HLF: variants seen among roughly 807,000 people sequenced by gnomAD.
HLF encodes the protein HLF transcription factor, PAR bZIP family member, also known as hepatic leukemia factor.
Under a neutral mutation model 22.6 loss-of-function variants are expected in HLF, and 3 were observed. That is an observed-to-expected ratio of 0.13 (90% CI 0.06 to 0.34). HLF has a LOEUF of 0.34. Among genes scored for constraint, HLF ranks in the 10% least tolerant of loss-of-function variants. HLF has a pLI of 1.00. For missense variants in HLF, 299 were observed against 389.2 expected (o/e 0.77, Z 1.95); for synonymous variants, 151 against 151.8 (o/e 0.99, Z 0.04).
intron 2 of HLF, among the ~76,000 whole-genome samples, chr17:55,310,048 T>C (rs1904759550): frequency 1.3e-5 from 2 of 152,242 alleles, no homozygotes; most frequent in African/African-American, 2.4e-5. Context: ...TTTCCAGTTA[T>C]ACTATTTGGA....
At chr17:55,298,925 T>C (rs565829406) in intron 2 of HLF, among the ~76,000 whole-genome samples, 4 of 152,232 alleles carry the variant, frequency 2.6e-5, no homozygotes, top group Non-Finnish European at 2.9e-5. Flanking sequence ...AGCTATAAAC[T>C]ATATAGGCTG....
At chr17:55,294,203 G>A (rs2081091611) in intron 2 of HLF, among the ~76,000 whole-genome samples, 1 of 152,222 alleles carries the variant, frequency 6.6e-6, no homozygotes, top group African/African-American at 2.4e-5. Context: ...ATCAGTCAAA[G>A]CTTCATTCTC....
rs572829697 is a variant in HLF at position 55,323,773 on chromosome 17, A to G, written c.*2894A>G. On this transcript the variant is annotated 3_prime_UTR_variant, in exon 4 of 4. Transcript: ENST00000226067. ...AGTGATTTGGGTCAACCGGAGTCAG[A>G]CGCATGTCTGCACGCTGCAGCTATT... 4.3e-6 allele frequency: 1 copy of G among 230,946 alleles called. No individual in the cohort carries two copies. The highest frequency in any genetic ancestry group is 6.2e-5 in the East Asian group (1 of 16,254). 14.3% of individuals were successfully genotyped at this position (230,946 alleles called of 1,614,324 possible).
intron 2 of HLF, among the ~76,000 whole-genome samples, chr17:55,274,882 G>C (rs2080891949): frequency 6.6e-6 from 1 of 152,208 alleles, no homozygotes; most frequent in African/African-American, 2.4e-5. Flanking sequence ...GACCAAGCGT[G>C]GGGCTCAGAA....
chr17:55,306,446 G>T (rs1178221329), intron 2 of HLF, among the ~76,000 whole-genome samples: 1 of 151,988 alleles, frequency 6.6e-6, no homozygotes, highest in Non-Finnish European at 1.5e-5. Context: ...AGATCAAAGG[G>T]ATCTTTACAA....
At position 55,322,879 on chromosome 17, in the gene HLF, T is replaced by A. The variant is rs1905309716; in HGVS notation, c.*2000T>A. ...GTTTATAATTTGATAGATGTTTGAC[T>A]TTAAAGATGATTGTTCTTTTGTTTC... On this transcript the variant is annotated 3_prime_UTR_variant, in exon 4 of 4. Transcript: ENST00000226067. 1.8e-5 allele frequency: 4 copies of A among 227,764 alleles called. No individual in the cohort carries two copies. The highest frequency in any genetic ancestry group is 1.3e-3 in the Middle Eastern group (1 of 766). 14.1% of individuals were successfully genotyped at this position (227,764 alleles called of 1,614,324 possible). A position where few individuals can be genotyped will look rare whatever the true frequency, so the allele number is the denominator to read the frequency against.
intron 2 of HLF, among the ~76,000 whole-genome samples, chr17:55,287,766 G>A (rs2081018861): frequency 6.6e-6 from 1 of 152,216 alleles, no homozygotes; most frequent in African/African-American, 2.4e-5. Context: ...AAAGTACTCT[G>A]GATACCTTGG....
chr17:55,294,585 A>G lies in HLF; in HGVS notation c.452-20642A>G, dbSNP rs200383511. ...TGTGTAAGGCAAGTTGTACGAGCAA[A>G]GCATCCGCAGCTCAGAATGCAAAAA... On this transcript the variant is annotated intron_variant, in intron 2 of 3. Transcript: ENST00000226067. Among the ~76,000 whole-genome samples the G allele has an allele frequency of 3.3e-5, 5 of 152,202 alleles. No homozygotes were observed. In the East Asian group the frequency reaches 5.8e-4, roughly 18 times the overall value.
chr17:55,317,433 T>A (rs1364346284), intron 3 of HLF, among the ~76,000 whole-genome samples: 1 of 152,118 alleles, frequency 6.6e-6, no homozygotes, highest in Non-Finnish European at 1.5e-5. Context: ...AAGAGCAAGA[T>A]TAGTTAATAA....
intron 2 of HLF, among the ~76,000 whole-genome samples, 160 bp downstream of exon 2, chr17:55,268,246 A>C: frequency 6.6e-6 from 1 of 152,148 alleles, no homozygotes; most frequent in Admixed American, 6.5e-5. Context: ...CTCCCACTTT[A>C]ATGAGCATCC....
At chr17:55,277,679 C>T (rs1431084368) in intron 2 of HLF, among the ~76,000 whole-genome samples, 4 of 152,038 alleles carry the variant, frequency 2.6e-5, no homozygotes, top group African/African-American at 7.2e-5. Context: ...GCTCAAGCAC[C>T]CCCTGAAGTG....
chr17:55,295,728 A>C (rs530162210), intron 2 of HLF, among the ~76,000 whole-genome samples: 1 of 152,338 alleles, frequency 6.6e-6, no homozygotes, highest in Non-Finnish European at 1.5e-5. Context: ...TGCCAAAGGT[A>C]TGAACAAATT....
At chr17:55,317,389 C>T (rs1442461767) in intron 3 of HLF, among the ~76,000 whole-genome samples, 1 of 152,170 alleles carries the variant, frequency 6.6e-6, no homozygotes, top group East Asian at 1.9e-4. Flanking sequence ...ACAGAACTTC[C>T]AGCCAGACTT....
chr17:55,313,839 C>T (rs187761969), intron 2 of HLF, among the ~76,000 whole-genome samples: 51 of 152,220 alleles, frequency 3.4e-4, no homozygotes, highest in African/African-American at 1.1e-3. Flanking sequence ...ACAAAGAGAG[C>T]GCAAAGCAGA....
At chr17:55,307,508 A>C (rs772158694) in intron 2 of HLF, among the ~76,000 whole-genome samples, 3 of 152,034 alleles carry the variant, frequency 2.0e-5, no homozygotes, top group African/African-American at 4.8e-5. Flanking sequence ...TGGAACATAC[A>C]TGCACAAAGT....
chr17:55,282,925 A>T (rs1348567904), intron 2 of HLF, among the ~76,000 whole-genome samples: 2 of 152,192 alleles, frequency 1.3e-5, no homozygotes, highest in African/African-American at 4.8e-5. Flanking sequence ...CTTTTGGAAT[A>T]AAAAAATCAA....
At chr17:55,292,277 T>C (rs979343874) in intron 2 of HLF, among the ~76,000 whole-genome samples, 5 of 152,188 alleles carry the variant, frequency 3.3e-5, no homozygotes, top group African/African-American at 1.2e-4. Flanking sequence ...GAAGAGTCAA[T>C]TGATGCAGCA....
chr17:55,284,451 T>C (rs1326404942), intron 2 of HLF, among the ~76,000 whole-genome samples: 3 of 152,206 alleles, frequency 2.0e-5, no homozygotes, highest in African/African-American at 7.2e-5. Flanking sequence ...TGCATACGGT[T>C]AACTTTCAAT....
chr17:55,294,612 A>T (rs1879543109), intron 2 of HLF, among the ~76,000 whole-genome samples: 3 of 152,232 alleles, frequency 2.0e-5, no homozygotes, highest in Non-Finnish European at 4.4e-5. Flanking sequence ...ATGCAAAAAT[A>T]GATCTCCATG....
Sources: allele counts gnomAD v4.1 joint callset (sites outside exome capture counted in the v4.1 genomes callset), GRCh38; gene constraint gnomAD v4.1.1; transcripts MANE v1.5; gene names NCBI Gene and HGNC (gene_info 2026-07-23, HGNC 2026-07-21).